Variants in DDX10 observed in about 807,000 individuals in gnomAD.
DDX10 encodes the protein DEAD-box helicase 10, also known as probable ATP-dependent RNA helicase DDX10.
In DDX10, 74 loss-of-function variants were observed where a neutral mutation model predicts 104.3. The observed-to-expected ratio is 0.71, with a 90% confidence interval of 0.59 to 0.86. The LOEUF (loss-of-function observed/expected upper bound fraction) is 0.86, where lower values mean the gene tolerates loss of function less well. Ranked by LOEUF, DDX10 falls within the 40% of genes least tolerant of loss-of-function variation. The probability of loss-of-function intolerance (pLI) is 0.00; values close to 1 mark genes in which losing one functional copy is unlikely to be tolerated. For missense variants in DDX10, 952 were observed against 1,040.0 expected (o/e 0.92, Z 1.16); for synonymous variants, 351 against 353.4 (o/e 0.99, Z 0.08).
rs60849713 is a variant in DDX10, at chr11:108,780,155, G to T, written c.1965+56693G>T. Reference sequence around the variant, plus strand: ...AGGACCATAGCTATCGATGTGTTTTGCCACCTTGCTTTCCAAAAATAAAAT... The same window carrying T: ...AGGACCATAGCTATCGATGTGTTTTTCCACCTTGCTTTCCAAAAATAAAAT... On this transcript the variant is annotated intron_variant, in intron 13 of 17. Transcript: ENST00000322536. Among the ~76,000 whole-genome samples, 960 of 152,238 alleles carry T rather than the reference G, an allele frequency of 6.3e-3. 9 individuals are homozygous for T. Among genetic ancestry groups the T allele is most frequent in the African/African-American group, 0.022 (914 of 41,556 alleles).
At chr11:108,776,513 A>G (rs1214299817) in intron 13 of DDX10, among the ~76,000 whole-genome samples, 1 of 152,146 alleles carries the variant, frequency 6.6e-6, no homozygotes, top group Non-Finnish European at 1.5e-5. Flanking sequence ...TCAGGGAAAA[A>G]GTGGGTACAG....
At chr11:108,803,677 AATT>A (rs1159377358) in intron 13 of DDX10, among the ~76,000 whole-genome samples, 1 of 151,940 alleles carries the variant, frequency 6.6e-6, no homozygotes, top group African/African-American at 2.4e-5. Flanking sequence ...ATGTAAATCT[AATT>A]AATCTATTGA....
intron 16 of DDX10, among the ~76,000 whole-genome samples, chr11:108,909,367 C>T (rs1258481371): frequency 6.5e-5 from 9 of 138,950 alleles, no homozygotes; most frequent in East Asian, 2.1e-4. Context: ...GCCCCACTCC[C>T]GCCCCTTCCC....
In DDX10 at chr11:108,841,477, G is replaced by A; in HGVS notation, c.2247+1G>A. On this transcript the variant is annotated splice_donor_variant, in intron 15 of 17. Coordinates refer to ENST00000322536, the MANE Select transcript of DDX10 (RefSeq NM_004398.4). LOFTEE classifies it high-confidence loss of function. ...GAAAAAAATTAAGGCAAAGCATCGG[G>A]TAAGCTTTCCATCTTGAATTCATAC... The A allele has an allele frequency of 1.2e-6, 2 of 1,613,140 alleles. No individual in the cohort carries two copies. Among genetic ancestry groups the A allele is most frequent in the Non-Finnish European group, 1.7e-6 (2 of 1,179,500 alleles).
intron 13 of DDX10, among the ~76,000 whole-genome samples, chr11:108,816,928 C>T (rs928629642): frequency 1.3e-5 from 2 of 152,184 alleles, no homozygotes; most frequent in African/African-American, 4.8e-5. Context: ...AGGCAACCCC[C>T]ACCTTCCAAA....
chr11:108,814,693 A>G (rs1401243211), intron 13 of DDX10, among the ~76,000 whole-genome samples: 1 of 152,248 alleles, frequency 6.6e-6, no homozygotes, highest in East Asian at 1.9e-4. Context: ...TCTATCTTCA[A>G]ATATCACTTT....
At chr11:108,815,771 T>C (rs1003065804) in intron 13 of DDX10, among the ~76,000 whole-genome samples, 2 of 152,212 alleles carry the variant, frequency 1.3e-5, no homozygotes, top group Non-Finnish European at 2.9e-5. Flanking sequence ...AGATATTCAT[T>C]CTAGTATTTT....
chr11:108,901,011 T>C (rs1212373839), intron 16 of DDX10, among the ~76,000 whole-genome samples: 1 of 152,126 alleles, frequency 6.6e-6, no homozygotes, highest in African/African-American at 2.4e-5. Flanking sequence ...GGCATCTCCT[T>C]CATGAAGTCT....
chr11:108,858,251 T>C (rs1350734368), intron 16 of DDX10, among the ~76,000 whole-genome samples: 9 of 152,184 alleles, frequency 5.9e-5, no homozygotes, highest in Admixed American at 5.9e-4. Context: ...ATGACGTTCT[T>C]CCTTTCTGGA....
intron 17 of DDX10, among the ~76,000 whole-genome samples, chr11:108,929,021 C>G (rs61912813): frequency 5.4e-4 from 82 of 152,312 alleles, no homozygotes; most frequent in Non-Finnish European, 1.1e-3. Context: ...ATAGCCTATT[C>G]AAAATATGGA....
chr11:108,844,684 G>A (rs1317034290), intron 15 of DDX10, among the ~76,000 whole-genome samples: 2 of 152,130 alleles, frequency 1.3e-5, no homozygotes, highest in African/African-American at 4.8e-5. Context: ...ACCCAGTCCA[G>A]TTTGGATTAC....
intron 16 of DDX10, among the ~76,000 whole-genome samples, chr11:108,897,409 C>G (rs1344121115): frequency 6.6e-6 from 1 of 152,172 alleles, no homozygotes; most frequent in Non-Finnish European, 1.5e-5. Context: ...AGATCAATAA[C>G]AAATGGGTAC....
chr11:108,679,090 C>T (rs2094230708), intron 5 of DDX10, among the ~76,000 whole-genome samples: 5 of 152,000 alleles, frequency 3.3e-5, no homozygotes, highest in Admixed American at 3.3e-4. Context: ...ACCTCTTGAC[C>T]TTGTGATCTG....
intron 10 of DDX10, among the ~76,000 whole-genome samples, chr11:108,715,334 T>C (rs1302799208): frequency 6.6e-6 from 1 of 152,142 alleles, no homozygotes; most frequent in African/African-American, 2.4e-5. Context: ...GGCAAAACAG[T>C]GAGACCATGT....
chr11:108,747,932 T>C (rs537795109), intron 13 of DDX10, among the ~76,000 whole-genome samples: 2 of 152,214 alleles, frequency 1.3e-5, no homozygotes, highest in African/African-American at 4.8e-5. Flanking sequence ...GACAGACACA[T>C]ACATATACAG....
intron 16 of DDX10, among the ~76,000 whole-genome samples, chr11:108,901,193 A>G (rs898001779): frequency 6.6e-6 from 1 of 152,200 alleles, no homozygotes; most frequent in Admixed American, 6.5e-5. Context: ...TTTGTCTGGA[A>G]GCACTTTTAG....
At chr11:108,865,417 A>G (rs1477742380) in intron 16 of DDX10, among the ~76,000 whole-genome samples, 2 of 152,012 alleles carry the variant, frequency 1.3e-5, no homozygotes, top group Non-Finnish European at 2.9e-5. Flanking sequence ...TAACCTTCCC[A>G]TGTAATATTT....
chr11:108,776,746 G>A (rs899226091), intron 13 of DDX10, among the ~76,000 whole-genome samples: 1 of 152,136 alleles, frequency 6.6e-6, no homozygotes, highest in Non-Finnish European at 1.5e-5. Flanking sequence ...AGGAAGATTT[G>A]GCATGTTGTT....
chr11:108,760,013 A>G (rs1293722533), intron 13 of DDX10, among the ~76,000 whole-genome samples: 7 of 151,904 alleles, frequency 4.6e-5, no homozygotes, highest in Non-Finnish European at 2.9e-5. Context: ...TAAAAAAAAA[A>G]AAAGAATCTC....
Sources: gnomAD v4.1 joint callset for allele counts (sites outside exome capture counted in the v4.1 genomes callset) on GRCh38, gnomAD v4.1.1 for gene constraint, MANE v1.5 for transcripts, NCBI Gene and HGNC (gene_info 2026-07-23, HGNC 2026-07-21) for gene names.